The following ERBB4 variants were observed in gnomAD, a reference collection of about 807,000 sequenced individuals.
ERBB4 encodes receptor tyrosine-protein kinase erbB-4.
In ERBB4, 42 loss-of-function variants were observed where a neutral mutation model predicts 158.0. The observed-to-expected ratio is 0.27, with a 90% CI of 0.21 to 0.34. The LOEUF (loss-of-function observed/expected upper bound fraction) is 0.34. ERBB4 is among the 10% of genes least tolerant of loss of function. ERBB4 has a pLI of 1.00. For missense variants in ERBB4, 1,333 were observed against 1,624.1 expected (o/e 0.82, Z 3.08); for synonymous variants, 583 against 558.7 (o/e 1.04, Z -0.61).
intron 1 of ERBB4, among the ~76,000 whole-genome samples, chr2:212,127,113 G>T (rs1415024391): frequency 1.3e-5 from 2 of 152,118 alleles, no homozygotes; most frequent in African/African-American, 4.8e-5. Context: ...CTTAGAATGT[G>T]ACCTTACTTG....
At chr2:211,500,258 T>C (rs1353977116) in intron 20 of ERBB4, among the ~76,000 whole-genome samples, 1 of 152,148 alleles carries the variant, frequency 6.6e-6, no homozygotes, top group Non-Finnish European at 1.5e-5. Flanking sequence ...CTTATTCAAA[T>C]ATTTGACACA....
intron 20 of ERBB4, among the ~76,000 whole-genome samples, chr2:211,557,034 G>T (rs1021491771): frequency 2.0e-5 from 3 of 152,214 alleles, no homozygotes; most frequent in African/African-American, 7.2e-5. Flanking sequence ...TTTAATAAAT[G>T]GGGCTGTAAT....
At chr2:211,595,740 G>A (rs1216961052) in intron 19 of ERBB4, among the ~76,000 whole-genome samples, 1 of 152,106 alleles carries the variant, frequency 6.6e-6, no homozygotes, top group Non-Finnish European at 1.5e-5. Context: ...GTATTAGCAG[G>A]TTTCACATAT....
chr2:211,665,548 G>A (rs2071599438), intron 14 of ERBB4, 71 bp from the exon 15 acceptor site: 6 of 1,481,966 alleles, frequency 4.0e-6, no homozygotes, highest in African/African-American at 1.4e-5. Flanking sequence ...TATTCATGTG[G>A]TTTAGTTACT....
intron 20 of ERBB4, among the ~76,000 whole-genome samples, chr2:211,460,756 T>TC (rs2064509536): frequency 6.6e-6 from 1 of 151,826 alleles, no homozygotes; most frequent in African/African-American, 2.4e-5. Context: ...TTTTCCTGCA[T>TC]TAAAAAAAAA....
intron 20 of ERBB4, among the ~76,000 whole-genome samples, chr2:211,455,760 C>T (rs1357316805): frequency 6.6e-6 from 1 of 152,192 alleles, no homozygotes; most frequent in Non-Finnish European, 1.5e-5. Context: ...TTAAGTACTT[C>T]TACATCCATA....
intron 1 of ERBB4, among the ~76,000 whole-genome samples, chr2:212,157,297 C>T (rs1237430167): frequency 6.6e-6 from 1 of 152,006 alleles, no homozygotes. Flanking sequence ...TCCCTGGCAC[C>T]TCTAAGTGGG....
At chr2:211,759,650 C>G (rs1306338612) in intron 4 of ERBB4, among the ~76,000 whole-genome samples, 1 of 152,058 alleles carries the variant, frequency 6.6e-6, no homozygotes, top group African/African-American at 2.4e-5. Flanking sequence ...TCCATGACTC[C>G]CCTGACCCAC....
chr2:211,901,009 T>C, intron 3 of ERBB4, among the ~76,000 whole-genome samples: 1 of 152,340 alleles, frequency 6.6e-6, no homozygotes, highest in East Asian at 1.9e-4. Flanking sequence ...ATCAGTTAAA[T>C]AGCTCAGCTT....
intron 2 of ERBB4, among the ~76,000 whole-genome samples, chr2:212,005,246 C>A (rs1575503994): frequency 6.6e-6 from 1 of 152,138 alleles, no homozygotes; most frequent in East Asian, 1.9e-4. Flanking sequence ...AGCCATAAAG[C>A]AGAACTCGAA....
chr2:212,193,203 C>A (rs561429204), intron 1 of ERBB4, among the ~76,000 whole-genome samples: 4 of 152,216 alleles, frequency 2.6e-5, no homozygotes, highest in South Asian at 4.1e-4. Flanking sequence ...TTTACTCCTC[C>A]CAACTAATTT....
chr2:212,423,049 C>G (rs1454811755), intron 1 of ERBB4, among the ~76,000 whole-genome samples: 1 of 151,870 alleles, frequency 6.6e-6, no homozygotes, highest in Non-Finnish European at 1.5e-5. Context: ...AAAATAATAA[C>G]TTGAGTAAGA....
chr2:212,249,370 C>CCA (rs2084435401), intron 1 of ERBB4, among the ~76,000 whole-genome samples: 1 of 145,314 alleles, frequency 6.9e-6, no homozygotes, highest in Non-Finnish European at 1.5e-5. Flanking sequence ...TAGGAAGACT[C>CCA]TAGATAATTA....
At chr2:211,562,726 A>G (rs932217652) in intron 19 of ERBB4, among the ~76,000 whole-genome samples, 2 of 151,582 alleles carry the variant, frequency 1.3e-5, no homozygotes, top group African/African-American at 4.9e-5. Flanking sequence ...TCATAGATTC[A>G]TAAAATTTGA....
intron 3 of ERBB4, among the ~76,000 whole-genome samples, chr2:211,814,422 A>G (rs2076832272): frequency 6.6e-6 from 1 of 152,172 alleles, no homozygotes; most frequent in Non-Finnish European, 1.5e-5. Flanking sequence ...ATTCAGAATA[A>G]TTAACTTAAG....
chr2:211,462,939 A>G lies in ERBB4; in HGVS notation c.2488-31839T>C, dbSNP rs373705678. Among the ~76,000 whole-genome samples the G allele has an allele frequency of 9.2e-5, 14 of 152,174 alleles. 1 individual carries two copies. The highest frequency in any genetic ancestry group is 7.9e-4 in the Admixed American group (12 of 15,270). ...AAGAAAAAGTAACACATCTAAGACCACAACAAAAATAAATCTGATAGAAAG... is the reference window on the plus strand; with the variant it reads ...AAGAAAAAGTAACACATCTAAGACCGCAACAAAAATAAATCTGATAGAAAG... On this transcript the variant is annotated intron_variant, in intron 20 of 27. Transcript: ENST00000342788.
intron 1 of ERBB4, among the ~76,000 whole-genome samples, chr2:212,279,700 TCTTA>T (rs2085680897): frequency 1.3e-5 from 2 of 151,618 alleles, no homozygotes; most frequent in Admixed American, 1.3e-4. Flanking sequence ...CCAATATGAG[TCTTA>T]CTTTTCTTTC....
chr2:212,394,764 CATGA>C (rs1322779224), intron 1 of ERBB4, among the ~76,000 whole-genome samples: 3 of 151,972 alleles, frequency 2.0e-5, no homozygotes, highest in Non-Finnish European at 4.4e-5. Flanking sequence ...AGCCCTGTAA[CATGA>C]ATGAAGACAT....
intron 20 of ERBB4, among the ~76,000 whole-genome samples, chr2:211,500,217 C>T (rs2065582864): frequency 3.3e-5 from 5 of 152,012 alleles, no homozygotes; most frequent in Non-Finnish European, 7.4e-5. Flanking sequence ...AATTTATAGC[C>T]ATTTAAAAGG....
Sources: gnomAD v4.1 joint callset for allele counts (sites outside exome capture counted in the v4.1 genomes callset) on GRCh38, gnomAD v4.1.1 for gene constraint, MANE v1.5 for transcripts, NCBI Gene and HGNC (gene_info 2026-07-23, HGNC 2026-07-21) for gene names.